PRDM11: variants seen among roughly 807,000 people sequenced by gnomAD.
The protein encoded by PRDM11 is PR domain-containing protein 11.
Under a neutral mutation model 97.8 loss-of-function variants are expected in PRDM11, and 20 were observed. The ratio of observed to expected loss-of-function variants is 0.20; its 90% CI spans 0.14 to 0.30. The LOEUF (loss-of-function observed/expected upper bound fraction) is 0.30, where lower values mean the gene tolerates loss of function less well. Ranked by LOEUF, PRDM11 falls within the 10% of genes least tolerant of loss-of-function variation. PRDM11 has a pLI of 1.00. For missense variants in PRDM11, 1,139 were observed against 1,555.2 expected (o/e 0.73, Z 4.50); for synonymous variants, 599 against 637.7 (o/e 0.94, Z 0.91).
chr11:45,224,447 C>T lies in PRDM11; in HGVS notation c.973C>T (p.Leu325=), dbSNP rs1854209703. The change falls in exon 7 of 8, where the codon CTG becomes TTG. Residue 325 remains leucine (L), a synonymous_variant. Transcript: ENST00000683152. The part of the protein sequence containing the change: ...SAKVEAHQLA[L]STSLVIRKVP... ...GAAGGTGGAAGCCCACCAGTTGGCC[C>T]TGAGCACCTCACTGGTCATCAGGAA... is the stretch of plus-strand genomic sequence containing the variant. The T allele has an allele frequency of 1.9e-6, 3 of 1,614,216 alleles. No individual in the cohort carries two copies. In the East Asian group the frequency reaches 6.7e-5, roughly 36 times the overall value.
chr11:45,128,435 C>T (rs897439543), intron 1 of PRDM11, among the ~76,000 whole-genome samples: 22 of 152,144 alleles, frequency 1.4e-4, no homozygotes, highest in Admixed American at 6.5e-5. Flanking sequence ...CCATCTTCTG[C>T]GTCGCTCACG....
chr11:45,097,834 G>T (rs907710230), intron 1 of PRDM11, among the ~76,000 whole-genome samples: 9 of 152,236 alleles, frequency 5.9e-5, no homozygotes, highest in Non-Finnish European at 1.3e-4. Context: ...GTTTGGAGGT[G>T]CCTGCAGTGG....
chr11:45,123,406 G>A (rs1852486931), intron 1 of PRDM11, among the ~76,000 whole-genome samples: 1 of 151,738 alleles, frequency 6.6e-6, no homozygotes, highest in Non-Finnish European at 1.5e-5. Context: ...TTTTAGACAT[G>A]AAGTCCTTGC....
intron 1 of PRDM11, among the ~76,000 whole-genome samples, chr11:45,100,731 G>A (rs1251565524): frequency 1.3e-5 from 2 of 152,214 alleles, no homozygotes; most frequent in Non-Finnish European, 2.9e-5. Context: ...TTCTCACTGG[G>A]ACTGAGCTCA....
At chr11:45,215,442 A>G (rs1853928483) in intron 5 of PRDM11, among the ~76,000 whole-genome samples, 2 of 152,326 alleles carry the variant, frequency 1.3e-5, no homozygotes, top group East Asian at 3.9e-4. Flanking sequence ...AGATGCAAAG[A>G]TGTCGTGAAA....
At chr11:45,154,499 C>T (rs960792600) in intron 1 of PRDM11, among the ~76,000 whole-genome samples, 3 of 152,112 alleles carry the variant, frequency 2.0e-5, no homozygotes, top group East Asian at 1.9e-4. Flanking sequence ...ATACTGGGTA[C>T]GGGAAGTGGA....
At chr11:45,148,776 T>C (rs574196008) in intron 1 of PRDM11, among the ~76,000 whole-genome samples, 1 of 152,266 alleles carries the variant, frequency 6.6e-6, no homozygotes, top group African/African-American at 2.4e-5. Context: ...TTACAGGGAG[T>C]TTCCCTGGTT....
intron 1 of PRDM11, among the ~76,000 whole-genome samples, chr11:45,136,864 C>A (rs938831590): frequency 6.6e-6 from 1 of 151,650 alleles, no homozygotes; most frequent in Admixed American, 6.6e-5. Context: ...AGATGGGGGC[C>A]GGGCACAGAG....
chr11:45,178,159 C>T (rs1852375015), intron 1 of PRDM11, among the ~76,000 whole-genome samples: 1 of 152,130 alleles, frequency 6.6e-6, no homozygotes, highest in South Asian at 2.1e-4. Context: ...TCTCCTCCTT[C>T]TCTCCCTGTC....
rs1366996961 is a variant in PRDM11 at position 45,226,812 on chromosome 11, G to T, written c.2187G>T (p.Leu729Phe). The T allele has an allele frequency of 6.5e-7, 1 of 1,533,964 alleles. No individual in the cohort carries two copies. The highest frequency in any genetic ancestry group is 8.7e-7 in the Non-Finnish European group (1 of 1,146,732). The change falls in exon 8 of 8, where the codon TTG becomes TTT. Residue 729 changes from leucine to phenylalanine, a missense_variant. By Grantham distance (22) the Leu-to-Phe change is conservative. Transcript: ENST00000683152. ...AGGATGAAAAGCCAACTGTTGGCTT[G>T]GGTGTAGATGGAGCCAACATCACAG... Reference protein sequence around the residue: ...RLQDEKPTVGLGVDGANITAS... With the variant: ...RLQDEKPTVGFGVDGANITAS...
chr11:45,180,451 AC>A (rs1007459152), intron 1 of PRDM11, among the ~76,000 whole-genome samples: 1 of 151,166 alleles, frequency 6.6e-6, no homozygotes, highest in African/African-American at 2.4e-5. Flanking sequence ...CAGCCCTGGC[AC>A]CCCCCGGGCC....
chr11:45,181,122 G>C (rs939339736), intron 1 of PRDM11, among the ~76,000 whole-genome samples: 1 of 152,202 alleles, frequency 6.6e-6, no homozygotes, highest in African/African-American at 2.4e-5. Context: ...TGAGGACCCC[G>C]GGGTGCCGAG....
Position 45,182,894 on chromosome 11 carries a change from A to C in PRDM11, c.257A>C (p.Glu86Ala). ...CESCQEYFVDECPNHGPPVFV... is the reference protein window; with the variant it reads ...CESCQEYFVDACPNHGPPVFV... ...TCCTGCCAGGAGTACTTCGTGGATG[A>C]ATGCCCAAACCATGGCCCCCCGGTG... Residue 86 changes from glutamate (E) to alanine (A), a missense_variant, in exon 4 of 8, where the codon GAA becomes GCA. Around this residue, in one of 2 missense-constraint regions of PRDM11, gnomAD observed 429 missense variants for 510.3 expected, o/e 0.84. Transcript: ENST00000683152. 6.2e-7 allele frequency: 1 copy of C among 1,607,588 alleles called. No homozygotes were observed. The highest frequency in any genetic ancestry group is 8.5e-7 in the Non-Finnish European group (1 of 1,176,244).
intron 1 of PRDM11, among the ~76,000 whole-genome samples, chr11:45,100,368 C>A (rs1488422309): frequency 6.6e-6 from 1 of 152,144 alleles, no homozygotes; most frequent in African/African-American, 2.4e-5. Flanking sequence ...GAGGGGCCAC[C>A]CCATGTCATA....
intron 4 of PRDM11, among the ~76,000 whole-genome samples, chr11:45,197,518 T>C (rs1459795192): frequency 1.3e-5 from 2 of 152,110 alleles, no homozygotes. Flanking sequence ...ATAATAATAA[T>C]AAGAGCAGGA....
At chr11:45,204,875 A>G (rs1853452053) in intron 5 of PRDM11, 97 bp downstream of exon 5, 1 of 1,304,708 alleles carries the variant, frequency 7.7e-7, no homozygotes, top group South Asian at 1.2e-5. Flanking sequence ...AGTGGTGGAG[A>G]CTTCTGGAGG....
chr11:45,201,306 G>A (rs545917911), intron 4 of PRDM11, among the ~76,000 whole-genome samples: 44 of 152,282 alleles, frequency 2.9e-4, no homozygotes, highest in African/African-American at 1.1e-3. Context: ...TAATGGCTGT[G>A]TTTGACAACT....
At chr11:45,146,013 T>C (rs888544719), upstream of PRDM11, among the ~76,000 whole-genome samples, 2 of 152,140 alleles carry the variant, frequency 1.3e-5, no homozygotes, top group Admixed American at 1.3e-4. Flanking sequence ...TCTCAGAATC[T>C]CTCTCCCTCT....
intron 6 of PRDM11, among the ~76,000 whole-genome samples, chr11:45,221,006 C>T (rs764884537): frequency 2.0e-5 from 3 of 152,198 alleles, no homozygotes; most frequent in Non-Finnish European, 4.4e-5. Context: ...CTCACCATAT[C>T]GTGTTCCTGA....
Sources: allele counts gnomAD v4.1 joint callset (sites outside exome capture counted in the v4.1 genomes callset), GRCh38; gene constraint gnomAD v4.1.1; regional missense constraint gnomAD v4.1.1; transcripts MANE v1.5; gene names NCBI Gene and HGNC (gene_info 2026-07-23, HGNC 2026-07-21).